JPH4: variants seen among roughly 807,000 people sequenced by gnomAD.
JPH4 encodes junctophilin-4.
A neutral mutation model predicts 57.6 loss-of-function variants in JPH4; 18 were observed. The observed-to-expected ratio is 0.31, with a 90% CI of 0.22 to 0.46. The LOEUF is 0.46. JPH4 is among the 20% of genes least tolerant of loss of function. JPH4 has a pLI of 1.00. For synonymous variants in JPH4, 425 were observed against 406.6 expected, an observed-to-expected ratio of 1.05 and a Z score of -0.54; for missense variants, 727 against 911.1, an observed-to-expected ratio of 0.80 and a Z score of 2.60.
intron 5 of JPH4, 79 bp downstream of exon 5, chr14:23,570,849 G>C: frequency 7.5e-7 from 1 of 1,340,580 alleles, no homozygotes; most frequent in South Asian, 1.9e-5. Flanking sequence ...AAGCCCCCCC[G>C]GTGATCAGAC....
At chr14:23,572,459 G>A (rs902741652) in intron 3 of JPH4, among the ~76,000 whole-genome samples, 6 of 151,444 alleles carry the variant, frequency 4.0e-5, no homozygotes, top group African/African-American at 7.3e-5. Flanking sequence ...AAGCAGCTTC[G>A]CCCCTGCCCC....
rs1235981700 is a variant in JPH4, at chr14:23,575,827, G to A, written c.1009C>T (p.Leu337=). 6.3e-7 allele frequency: 1 copy of A among 1,587,254 alleles called. No individual in the cohort carries two copies. The highest frequency in any genetic ancestry group is 1.1e-5 in the South Asian group (1 of 87,526). Residue 337 remains leucine, a synonymous_variant, in exon 3 of 6, where the codon CTG becomes TTG. Transcript: ENST00000356300. The surrounding 1 kb of genome is among the most constrained non-coding windows in gnomAD (Gnocchi z 6.9). ...REEGKYKRNR[L]VHGGRVRSLL... The stretch of plus-strand genomic sequence containing the variant: ...CTGCGGACGCGCCCGCCGTGCACCA[G>A]CCGGTTGCGCTTGTACTTGCCCTCC...
In JPH4 at chr14:23,575,362, TG is replaced by T; in HGVS notation, c.1151+322del. On this transcript the variant is annotated intron_variant, in intron 3 of 5. Transcript: ENST00000356300. The surrounding 1 kb of genome is among the most constrained non-coding windows in gnomAD (Gnocchi z 6.9). ...TTGAGTTCCAAGAGATTTCTGGGCC[TG>T]CACAAAACAGCTTCCTTGCTACTCC... The T allele has an allele frequency of 2.2e-6, 1 of 445,260 alleles. No homozygotes were observed. The highest frequency in any genetic ancestry group is 4.1e-6 in the Non-Finnish European group (1 of 246,448). 27.6% of individuals were successfully genotyped at this position (445,260 alleles called of 1,614,324 possible).
intron 3 of JPH4, among the ~76,000 whole-genome samples, chr14:23,572,571 G>A (rs888617675): frequency 3.3e-5 from 5 of 151,536 alleles, no homozygotes; most frequent in Admixed American, 6.6e-5. Context: ...ACCTCTACCC[G>A]TACAGATTTC....
rs1595393762 is a variant in JPH4 at position 23,571,999 on chromosome 14, A to G, written c.1152-79T>C. ...CCCTGCTCAGATGCTCCAGCCCCCTAGCCCCTGTCCCCTCTACATCACATC... is the reference window on the plus strand; with the variant it reads ...CCCTGCTCAGATGCTCCAGCCCCCTGGCCCCTGTCCCCTCTACATCACATC... On this transcript the variant is annotated intron_variant, in intron 3 of 5. Transcript: ENST00000356300. The surrounding 1 kb of genome is among the most constrained non-coding windows in gnomAD (Gnocchi z 4.6). 11 of 1,273,354 alleles carry G rather than the reference A, an allele frequency of 8.6e-6. No individual in the cohort carries two copies. The East Asian group carries it at 2.6e-4, about 30-fold the overall frequency. 78.9% of individuals were successfully genotyped at this position (1,273,354 alleles called of 1,614,324 possible).
In JPH4 at chr14:23,568,893, A is replaced by G. The variant is rs576731599; in HGVS notation, c.*741T>C. On this transcript the variant is annotated 3_prime_UTR_variant, in exon 6 of 6. Coordinates refer to ENST00000356300, the MANE Select transcript of JPH4 (RefSeq NM_001146028.2). ...CATTGGATATTCTCTGTTCCTTTAC[A>G]CGTTGCTCTTGGCATGGCATGCCAC... 5.3e-5 allele frequency: 43 copies of G among 814,232 alleles called. No individual in the cohort carries two copies. The highest frequency in any genetic ancestry group is 1.8e-4 in the Admixed American group (3 of 16,244). 50.4% of individuals were successfully genotyped at this position (814,232 alleles called of 1,614,324 possible).
rs190103 is a variant in JPH4 at position 23,570,934 on chromosome 14, G to T, written c.1797C>A (p.Ala599=). ...CAGGGACAGAGGATCTCACCGGCTG[G>T]GCAGGCCTCTCGGTTGCAGCGGGCT... is the stretch of plus-strand genomic sequence containing the variant. ...LGEPAATERP[A]QPGAANPLVV... Residue 599 remains alanine (A), a synonymous_variant, in exon 5 of 6, where the codon GCC becomes GCA. Coordinates refer to ENST00000356300, the MANE Select transcript of JPH4 (RefSeq NM_001146028.2). 4 of 1,512,472 alleles carry T rather than the reference G, an allele frequency of 2.6e-6. No homozygotes were observed. The East Asian group carries it at 9.1e-5, about 35-fold the overall frequency. 93.7% of individuals were successfully genotyped at this position (1,512,472 alleles called of 1,614,324 possible).
At chr14:23,574,656 C>A (rs1889231752) in intron 3 of JPH4, among the ~76,000 whole-genome samples, 1 of 152,226 alleles carries the variant, frequency 6.6e-6, no homozygotes, top group Non-Finnish European at 1.5e-5. Context: ...GCCCAGGGAG[C>A]TGCAGGTTTC....
At chr14:23,572,022 A>C in intron 3 of JPH4, 102 bp from the exon 4 acceptor site, 2 of 974,454 alleles carry the variant, frequency 2.1e-6, no homozygotes, top group Non-Finnish European at 3.1e-6. Flanking sequence ...TCTACATCAC[A>C]TCCTCCTCTC....
chr14:23,572,235 G>A (rs1011105937), intron 3 of JPH4, among the ~76,000 whole-genome samples: 1 of 152,048 alleles, frequency 6.6e-6, no homozygotes, highest in Non-Finnish European at 1.5e-5. Context: ...CTGGAACTGT[G>A]TAATTCCATT....
chr14:23,575,394 A>G lies in JPH4; in HGVS notation c.1151+291T>C. 1.9e-6 allele frequency: 1 copy of G among 519,860 alleles called. No individual in the cohort carries two copies. Among genetic ancestry groups the G allele is most frequent in the South Asian group, 2.8e-5 (1 of 36,050 alleles). 32.2% of individuals were successfully genotyped at this position (519,860 alleles called of 1,614,324 possible). Reference sequence around the variant, plus strand: ...AACAGCTTCCTTGCTACTCCCACACACAACAATGGATTCCATAGACATGCA... The same window carrying G: ...AACAGCTTCCTTGCTACTCCCACACGCAACAATGGATTCCATAGACATGCA... On this transcript the variant is annotated intron_variant, in intron 3 of 5. Coordinates refer to ENST00000356300, the MANE Select transcript of JPH4 (RefSeq NM_001146028.2). This position sits in a 1 kb window ranked among gnomAD's most constrained non-coding sequence, Gnocchi z 6.9.
chr14:23,572,322 A>C (rs1232846039), intron 3 of JPH4, among the ~76,000 whole-genome samples: 1 of 151,570 alleles, frequency 6.6e-6, no homozygotes, highest in African/African-American at 2.4e-5. Flanking sequence ...CTTGGTGCTT[A>C]TGAGCTATAC....
At chr14:23,572,684 T>G in intron 3 of JPH4, 1 of 583,774 alleles carries the variant, frequency 1.7e-6, no homozygotes, top group Non-Finnish European at 3.0e-6. Flanking sequence ...CGTCATGCTT[T>G]CCTGAGCTCT....
chr14:23,569,688 G>A lies in JPH4; in HGVS notation c.1833C>T (p.Ala611=), dbSNP rs1036956580. ...PGAANPLVVG[A]VALLDLSLAF... ...CCAGGCTGAGGTCCAGGAGGGCCAC[G>A]GCTCCCACCACCAGGGGGTTGGCAG... Residue 611 remains alanine (A), a synonymous_variant, in exon 6 of 6, where the codon GCC becomes GCT. Coordinates refer to ENST00000356300, the MANE Select transcript of JPH4 (RefSeq NM_001146028.2). This position sits in a 1 kb window ranked among gnomAD's most constrained non-coding sequence, Gnocchi z 4.8. 4.3e-5 allele frequency: 67 copies of A among 1,551,734 alleles called. No individual in the cohort carries two copies. Among genetic ancestry groups the A allele is most frequent in the Non-Finnish European group, 5.5e-5 (63 of 1,147,428 alleles).
In JPH4 at chr14:23,569,502, G is replaced by A; in HGVS notation, c.*132C>T. 2 of 696,166 alleles carry A rather than the reference G, an allele frequency of 2.9e-6. No homozygotes were observed. Among genetic ancestry groups the A allele is most frequent in the South Asian group, 1.6e-5 (1 of 60,982 alleles). 43.1% of individuals were successfully genotyped at this position (696,166 alleles called of 1,614,324 possible). On this transcript the variant is annotated 3_prime_UTR_variant, in exon 6 of 6. Coordinates refer to ENST00000356300, the MANE Select transcript of JPH4 (RefSeq NM_001146028.2). The surrounding 1 kb of genome is among the most constrained non-coding windows in gnomAD (Gnocchi z 4.8). ...AAAAGCGAGAGAAAAAAACAAAGGA[G>A]CACAGAAAAGAAAGGAAGAAGAGAA...
chr14:23,577,536 G>T lies in JPH4; in HGVS notation c.-83C>A, dbSNP rs1889305313. On this transcript the variant is annotated 5_prime_UTR_variant, in exon 2 of 6. Coordinates refer to ENST00000356300, the MANE Select transcript of JPH4 (RefSeq NM_001146028.2). The surrounding 1 kb of genome is among the most constrained non-coding windows in gnomAD (Gnocchi z 8.4). ...AGCCTGCTGGGGGCCTTGGAGCCGG[G>T]CGAGGCCTCGGGGCGGGGGCAGTTA... The T allele has an allele frequency of 7.3e-6, 9 of 1,236,466 alleles. No homozygotes were observed. The South Asian group carries it at 1.8e-4, about 25-fold the overall frequency. The allele number at this position is 1,236,466 out of a possible 1,614,324, so 76.6% of individuals were successfully genotyped here.
In JPH4 at chr14:23,576,402, T is replaced by C; in HGVS notation, c.434A>G (p.Gln145Arg). The C allele has an allele frequency of 7.1e-7, 1 of 1,415,136 alleles. No homozygotes were observed. The highest frequency in any genetic ancestry group is 9.2e-7 in the Non-Finnish European group (1 of 1,090,962). 87.7% of individuals were successfully genotyped at this position (1,415,136 alleles called of 1,614,324 possible). A position where few individuals can be genotyped will look rare whatever the true frequency, so the allele number is the denominator to read the frequency against. ...AGKRHGYGVR[Q>R]SVPYHQAALL... Reference sequence around the variant, plus strand: ...CGCCGCCTGATGGTAGGGCACACTCTGGCGTACCCCGTAGCCGTGGCGCTT... The same window carrying C: ...CGCCGCCTGATGGTAGGGCACACTCCGGCGTACCCCGTAGCCGTGGCGCTT... The change falls in exon 3 of 6, where the codon CAG (glutamine) becomes CGG (arginine). Residue 145 changes from glutamine to arginine, a missense_variant. This residue lies in a region of JPH4 where 90 missense variants were observed against 88.1 expected (regional missense o/e 1.02). Transcript: ENST00000356300. This position sits in a 1 kb window ranked among gnomAD's most constrained non-coding sequence, Gnocchi z 8.0.
chr14:23,571,273 C>G lies in JPH4; in HGVS notation c.1458G>C (p.Gln486His). 1 of 1,604,000 alleles carries G rather than the reference C, an allele frequency of 6.2e-7. No homozygotes were observed. Among genetic ancestry groups the G allele is most frequent in the South Asian group, 1.1e-5 (1 of 90,098 alleles). ...AAGCTTTGGGGCTGGAGAAGGGACC[C>G]TGGTCCCCTCCAGGAGGCAGTGGGC... ...CRSPLPPGGD[Q>H]GPFSSPKAWP... The change falls in exon 5 of 6, where the codon CAG becomes CAC. Residue 486 changes from glutamine to histidine, a missense_variant. Coordinates refer to ENST00000356300, the MANE Select transcript of JPH4 (RefSeq NM_001146028.2). This position sits in a 1 kb window ranked among gnomAD's most constrained non-coding sequence, Gnocchi z 4.6.
chr14:23,574,799 A>G (rs1277059907), intron 3 of JPH4, among the ~76,000 whole-genome samples: 2 of 151,900 alleles, frequency 1.3e-5, no homozygotes, highest in East Asian at 3.9e-4. Context: ...GCTTTTTTTA[A>G]TTTTCTATTC....
Sources: gnomAD v4.1 joint callset for allele counts (sites outside exome capture counted in the v4.1 genomes callset) on GRCh38, gnomAD v4.1.1 for gene constraint, gnomAD v4.1.1 regional missense constraint, Gnocchi (gnomAD v3.1) non-coding constraint, MANE v1.5 for transcripts, NCBI Gene and HGNC (gene_info 2026-07-23, HGNC 2026-07-21) for gene names.